Variants in NPFFR2 observed in about 807,000 individuals in gnomAD.
The protein encoded by NPFFR2 is neuropeptide FF receptor 2, also known as G-protein coupled receptor 74.
NPFFR2 carries 15 observed loss-of-function variants against 13.1 expected under a neutral mutation model. That is an observed-to-expected ratio of 1.15 (90% CI 0.77 to 1.76). The LOEUF (loss-of-function observed/expected upper bound fraction) is 1.76. Ranked by LOEUF, NPFFR2 falls within the 40% of genes most tolerant of loss-of-function variation. The pLI, the probability that NPFFR2 is intolerant of heterozygous loss-of-function variation, is 0.00. For synonymous variants in NPFFR2, 190 were observed against 175.7 expected (o/e 1.08, Z -0.65); for missense variants, 572 against 503.5 (o/e 1.14, Z -1.30).
intron 1 of NPFFR2, among the ~76,000 whole-genome samples, chr4:72,127,395 G>A (rs1388118838): frequency 8.5e-4 from 60 of 70,510 alleles, no homozygotes; most frequent in Admixed American, 2.1e-3. Flanking sequence ...ACGGAGTCTC[G>A]CTCTGTCGCC....
At chr4:72,035,878 T>C (rs1419701195) in intron 1 of NPFFR2, among the ~76,000 whole-genome samples, 2 of 152,176 alleles carry the variant, frequency 1.3e-5, no homozygotes, top group East Asian at 1.9e-4. Context: ...CTGGGTTCCA[T>C]GTGGCAGTTG....
chr4:72,067,997 C>T (rs913593709), intron 1 of NPFFR2, among the ~76,000 whole-genome samples: 1 of 152,194 alleles, frequency 6.6e-6, no homozygotes, highest in African/African-American at 2.4e-5. Flanking sequence ...ACCCTTAACA[C>T]TCCATTCATG....
At chr4:72,042,260 A>G (rs1189928874) in intron 1 of NPFFR2, among the ~76,000 whole-genome samples, 4 of 152,154 alleles carry the variant, frequency 2.6e-5, no homozygotes, top group Admixed American at 1.3e-4. Context: ...CCTTTCTGCC[A>G]TAATTGTAAG....
intron 3 of NPFFR2, among the ~76,000 whole-genome samples, chr4:72,140,297 G>T (rs1007947925): frequency 2.0e-5 from 3 of 152,152 alleles, no homozygotes; most frequent in African/African-American, 7.2e-5. Context: ...ACACTATGTT[G>T]AATAGGAGTG....
chr4:72,127,896 G>A (rs932270614), intron 1 of NPFFR2, among the ~76,000 whole-genome samples: 1 of 151,904 alleles, frequency 6.6e-6, no homozygotes, highest in East Asian at 2.0e-4. Context: ...ACTGGGCAAC[G>A]TGGCAAAACT....
chr4:72,111,864 C>T (rs961793937), intron 1 of NPFFR2, among the ~76,000 whole-genome samples: 1 of 152,034 alleles, frequency 6.6e-6, no homozygotes, highest in Non-Finnish European at 1.5e-5. Flanking sequence ...GCTAGTCCCC[C>T]CAACATGGCA....
chr4:72,076,666 C>T (rs1720446285), intron 1 of NPFFR2, among the ~76,000 whole-genome samples: 1 of 152,090 alleles, frequency 6.6e-6, no homozygotes. Flanking sequence ...CATTTTTCTT[C>T]AGGATGATTA....
rs749523523 is a variant in NPFFR2 at position 72,032,018 on chromosome 4, C to G, written c.-190C>G. ...GCAGAGCACTCAGCGTCCAGCAGCG[C>G]GGCGGGCCAGCCTGGAGCGGAAGCC... On this transcript the variant is annotated 5_prime_UTR_variant, in exon 1 of 4. Transcript: ENST00000308744. 5.0e-6 allele frequency: 8 copies of G among 1,613,740 alleles called. No individual in the cohort carries two copies. Among genetic ancestry groups the G allele is most frequent in the Non-Finnish European group, 6.8e-6 (8 of 1,179,882 alleles).
chr4:72,085,227 G>C (rs1720732392), intron 1 of NPFFR2, among the ~76,000 whole-genome samples: 1 of 152,116 alleles, frequency 6.6e-6, no homozygotes, highest in South Asian at 2.1e-4. Flanking sequence ...CAACTGACAT[G>C]AGGTGGCTCT....
Position 72,124,818 on chromosome 4 carries a change from C to T in NPFFR2, c.-7-3767C>T, listed in dbSNP as rs903011151. On this transcript the variant is annotated intron_variant, in intron 1 of 3. Coordinates refer to ENST00000308744, the MANE Select transcript of NPFFR2 (RefSeq NM_004885.3). ...ATGTAAGACCTAAAACCATAAAAAC[C>T]CTAGAAGAAAACCTAGGCAATACCA... Among the ~76,000 whole-genome samples the T allele has an allele frequency of 8.5e-5, 13 of 152,054 alleles. 1 individual carries two copies. The highest frequency in any genetic ancestry group is 1.6e-4 in the Non-Finnish European group (11 of 68,006).
intron 3 of NPFFR2, among the ~76,000 whole-genome samples, chr4:72,139,580 T>G (rs1266290926): frequency 1.3e-5 from 2 of 152,156 alleles, no homozygotes; most frequent in Non-Finnish European, 2.9e-5. Flanking sequence ...ATGTGTGGTG[T>G]TATTTCTGAG....
intron 1 of NPFFR2, among the ~76,000 whole-genome samples, chr4:72,113,856 C>T (rs776691468): frequency 6.6e-5 from 10 of 152,016 alleles, no homozygotes; most frequent in Non-Finnish European, 1.0e-4. Flanking sequence ...ACTCACACAG[C>T]AGAGGAATAT....
chr4:72,036,441 T>C (rs1282730941), intron 1 of NPFFR2, among the ~76,000 whole-genome samples: 1 of 151,790 alleles, frequency 6.6e-6, no homozygotes, highest in Non-Finnish European at 1.5e-5. Flanking sequence ...CAGAGTTATT[T>C]GTGAAACTTT....
intron 1 of NPFFR2, among the ~76,000 whole-genome samples, chr4:72,079,104 A>G (rs1246244489): frequency 2.0e-5 from 3 of 149,448 alleles, no homozygotes; most frequent in Non-Finnish European, 4.4e-5. Flanking sequence ...TGAAATCTGA[A>G]TAAGCTCAGT....
intron 1 of NPFFR2, among the ~76,000 whole-genome samples, chr4:72,072,711 C>T (rs943397743): frequency 2.0e-5 from 3 of 151,860 alleles, no homozygotes; most frequent in East Asian, 1.9e-4. Context: ...AATAAACATC[C>T]GAGAAGTTCA....
intron 1 of NPFFR2, among the ~76,000 whole-genome samples, chr4:72,089,527 GTAAGATGGTATCATA>G (rs1170717565): frequency 6.6e-6 from 1 of 152,112 alleles, no homozygotes; most frequent in Admixed American, 6.6e-5. Flanking sequence ...TTTGGCAGGA[GTAAGATGGTATCATA>G]TTGTGGTTTT....
Position 72,147,324 on chromosome 4 carries a change from C to A in NPFFR2, c.775C>A (p.Gln259Lys). The change falls in exon 4 of 4, where the codon CAG (glutamine) becomes AAG (lysine). Residue 259 changes from glutamine (Q) to lysine (K), a missense_variant. Physicochemically the swap from Gln to Lys is moderately conservative, Grantham distance 53 (BLOSUM62 1). Coordinates refer to ENST00000308744, the MANE Select transcript of NPFFR2 (RefSeq NM_004885.3). ...AGTTCCTCACACAGGCAGGAAGAAC[C>A]AGGAGCAGTGGCACGTGGTGTCCAG... is the stretch of plus-strand genomic sequence containing the variant. Reference protein sequence around the residue: ...AAVPHTGRKNQEQWHVVSRKK... With the variant: ...AAVPHTGRKNKEQWHVVSRKK... 1 of 1,614,106 alleles carries A rather than the reference C, an allele frequency of 6.2e-7. No individual in the cohort carries two copies. Among genetic ancestry groups the A allele is most frequent in the East Asian group, 2.2e-5 (1 of 44,876 alleles).
chr4:72,114,391 T>A (rs1433688800), intron 1 of NPFFR2, among the ~76,000 whole-genome samples: 4 of 152,072 alleles, frequency 2.6e-5, no homozygotes, highest in Non-Finnish European at 1.5e-5. Flanking sequence ...CTATAAGAAT[T>A]CATATCTAGA....
chr4:72,069,250 A>T (rs539654634), intron 1 of NPFFR2, among the ~76,000 whole-genome samples: 1 of 152,230 alleles, frequency 6.6e-6, no homozygotes, highest in African/African-American at 2.4e-5. Flanking sequence ...AGAACACTGG[A>T]TTATGACCTA....
Sources: gnomAD v4.1 joint callset for allele counts (sites outside exome capture counted in the v4.1 genomes callset) on GRCh38, gnomAD v4.1.1 for gene constraint, MANE v1.5 for transcripts, NCBI Gene and HGNC (gene_info 2026-07-23, HGNC 2026-07-21) for gene names.